VWDE: variants seen among roughly 807,000 people sequenced by gnomAD.
The protein encoded by VWDE is von Willebrand factor D and EGF domain-containing protein.
VWDE carries 207 observed loss-of-function variants against 178.4 expected under a neutral mutation model. That is an observed-to-expected ratio of 1.16 (90% CI 1.04 to 1.30). The LOEUF is 1.30. VWDE is among the 50% of genes most tolerant of loss of function. VWDE has a pLI of 0.00. For missense variants in VWDE, 2,287 were observed against 1,901.3 expected, an observed-to-expected ratio of 1.20 and a Z score of -3.77; for synonymous variants, 738 against 651.4, an observed-to-expected ratio of 1.13 and a Z score of -2.02.
intron 7 of VWDE, among the ~76,000 whole-genome samples, chr7:12,375,910 CA>C (rs2128557122): frequency 6.6e-6 from 1 of 151,996 alleles, no homozygotes; most frequent in Admixed American, 6.6e-5. Flanking sequence ...TATAACTAAA[CA>C]AAAAGAACAG....
chr7:12,355,662 A>G (rs1782201231), intron 18 of VWDE, among the ~76,000 whole-genome samples: 1 of 152,192 alleles, frequency 6.6e-6, no homozygotes, highest in African/African-American at 2.4e-5. Flanking sequence ...GCAATTAATG[A>G]GTTAGTAAAT....
intron 18 of VWDE, 57 bp downstream of exon 18, chr7:12,356,054 A>T (rs1782224721): frequency 2.2e-6 from 3 of 1,357,150 alleles, no homozygotes; most frequent in Admixed American, 2.1e-5. Context: ...AGTAATCTGT[A>T]GATATGTGTT....
chr7:12,379,660 TA>T, intron 5 of VWDE, 94 bp from the exon 6 acceptor site: 1 of 790,590 alleles, frequency 1.3e-6, no homozygotes, highest in Non-Finnish European at 1.9e-6. Context: ...TAATTCTTCA[TA>T]GATAGTATAT....
At position 12,396,534 on chromosome 7, in the gene VWDE, T is replaced by C. The variant is rs544863068; in HGVS notation, c.59-2756A>G. ...AACCACTTTTGATCCCCAAATGTAATGAGAAATAAAAACTAATTTAGTTTC... is the reference window on the plus strand; with the variant it reads ...AACCACTTTTGATCCCCAAATGTAACGAGAAATAAAAACTAATTTAGTTTC... On this transcript the variant is annotated intron_variant, in intron 1 of 28. Coordinates refer to ENST00000275358, the MANE Select transcript of VWDE (RefSeq NM_001135924.3). 9.8e-5 allele frequency among the ~76,000 whole-genome samples: 15 copies of C among 152,310 alleles called. No individual in the cohort carries two copies. In the South Asian group the frequency reaches 3.1e-3, roughly 32 times the overall value.
At chr7:12,395,007 C>G (rs1411838327) in intron 1 of VWDE, among the ~76,000 whole-genome samples, 1 of 151,906 alleles carries the variant, frequency 6.6e-6, no homozygotes, top group Admixed American at 6.6e-5. Context: ...TATATTTCTG[C>G]TTTTTATTTT....
chr7:12,390,931 G>A (rs1316536004), intron 2 of VWDE, among the ~76,000 whole-genome samples: 1 of 152,012 alleles, frequency 6.6e-6, no homozygotes, highest in African/African-American at 2.4e-5. Context: ...ATAATTACAT[G>A]TACATTCGTC....
At chr7:12,347,967 A>G (rs1281500105) in intron 19 of VWDE, among the ~76,000 whole-genome samples, 2 of 152,164 alleles carry the variant, frequency 1.3e-5, no homozygotes, top group Admixed American at 6.5e-5. Context: ...AAAACAAGCA[A>G]TGGGGAAAGG....
rs1781414946 is a variant in VWDE at position 12,343,098 on chromosome 7, G to A, written c.4159C>T (p.Pro1387Ser). The A allele has an allele frequency of 1.3e-6, 2 of 1,548,966 alleles. No individual in the cohort carries two copies. The highest frequency in any genetic ancestry group is 1.7e-6 in the Non-Finnish European group (2 of 1,145,246). Reference sequence around the variant, plus strand: ...CTTTGCTTACTTGTTTCACACCTTGGTCCTACAAAACCATAAGGACAAGTG... The same window carrying A: ...CTTTGCTTACTTGTTTCACACCTTGATCCTACAAAACCATAAGGACAAGTG... ...LCTCPYGFVG[P>S]RCETMVCNRH... is the part of the protein sequence containing the mutation. Residue 1387 changes from proline to serine, a missense_variant, in exon 22 of 29, where the codon CCA becomes TCA. By Grantham distance (74) the Pro-to-Ser change is moderately conservative (BLOSUM62 -1). Transcript: ENST00000275358.
In VWDE at chr7:12,389,235, T is replaced by A; in HGVS notation, c.367A>T (p.Thr123Ser). The A allele has an allele frequency of 1.3e-6, 2 of 1,551,722 alleles. No homozygotes were observed. Among genetic ancestry groups the A allele is most frequent in the African/African-American group, 1.4e-5 (1 of 73,168 alleles). ...CATWQFLFST[T>S]KDCCLFQIPV... ...ATTTGAAAGAGACAGCAGTCTTTTG[T>A]AGTGCTGAACAAAAACTGCCATGTT... The change falls in exon 3 of 29, where the codon ACA becomes TCA. Residue 123 changes from threonine (T) to serine (S), a missense_variant. Coordinates refer to ENST00000275358, the MANE Select transcript of VWDE (RefSeq NM_001135924.3).
At chr7:12,369,346 A>G (rs1355518955) in intron 12 of VWDE, among the ~76,000 whole-genome samples, 199 bp downstream of exon 12, 8 of 152,250 alleles carry the variant, frequency 5.3e-5, no homozygotes, top group Admixed American at 2.0e-4. Flanking sequence ...CTAGGCTGTT[A>G]TAAGTTACTT....
intron 2 of VWDE, among the ~76,000 whole-genome samples, chr7:12,392,602 T>C (rs1282614734): frequency 1.3e-5 from 2 of 152,154 alleles, no homozygotes; most frequent in Admixed American, 1.3e-4. Context: ...GGATAAGTAA[T>C]GCAAGATAGC....
rs946891293 is a variant in VWDE at position 12,351,574 on chromosome 7, G to A, written c.3885C>T (p.Phe1295=). ...ATTTTAACTATGACCATTACTTACT[G>A]AAGGCATTTCCACTTGTTGGCTTAA... ...RHVKPTSGNA[F]TICKYPCGKS... Residue 1295 remains phenylalanine, a splice_region_variant and synonymous_variant, in exon 19 of 29, where the codon TTC becomes TTT. Coordinates refer to ENST00000275358, the MANE Select transcript of VWDE (RefSeq NM_001135924.3). 2 of 1,545,946 alleles carry A rather than the reference G, an allele frequency of 1.3e-6. No homozygotes were observed. Among genetic ancestry groups the A allele is most frequent in the African/African-American group, 1.4e-5 (1 of 72,748 alleles).
At chr7:12,363,307 T>C (rs1782682202) in intron 13 of VWDE, among the ~76,000 whole-genome samples, 2 of 151,810 alleles carry the variant, frequency 1.3e-5, no homozygotes, top group South Asian at 4.1e-4. Flanking sequence ...GGGAATAGTG[T>C]ATGAAAAAGA....
Position 12,382,963 on chromosome 7 carries a change from A to C in VWDE, c.541+573T>G, listed in dbSNP as rs959726413. ...GAGAAAAATTTTAATCACTATCAAC[A>C]TCATTGATGTTTGTCTTTCAAGATT... On this transcript the variant is annotated intron_variant, in intron 4 of 28. Transcript: ENST00000275358. 9.2e-5 allele frequency among the ~76,000 whole-genome samples: 14 copies of C among 151,944 alleles called. 1 individual carries two copies. Among genetic ancestry groups the C allele is most frequent in the Admixed American group, 9.2e-4 (14 of 15,250 alleles).
At chr7:12,383,511 T>TA (rs1249830136) in intron 4 of VWDE, 25 bp downstream of exon 4, 2 of 1,545,126 alleles carry the variant, frequency 1.3e-6, no homozygotes, top group Non-Finnish European at 1.8e-6. Flanking sequence ...AAAACACTAT[T>TA]AAAAAAGCAA....
chr7:12,334,266 T>C (rs570725897), intron 27 of VWDE, among the ~76,000 whole-genome samples: 1 of 152,350 alleles, frequency 6.6e-6, no homozygotes, highest in Admixed American at 6.5e-5. Flanking sequence ...TGGAACTTAA[T>C]ATATTGCTTT....
intron 15 of VWDE, 135 bp downstream of exon 15, chr7:12,361,012 T>C (rs1180034679): frequency 5.5e-6 from 3 of 547,278 alleles, no homozygotes; most frequent in African/African-American, 2.0e-5. Context: ...AGTTAACTTA[T>C]ATAAACTTGA....
intron 12 of VWDE, among the ~76,000 whole-genome samples, chr7:12,368,513 T>C (rs980735082): frequency 1.3e-5 from 2 of 151,902 alleles, no homozygotes; most frequent in Non-Finnish European, 1.5e-5. Flanking sequence ...CCTGGCTCCT[T>C]TGAGGAACAG....
In VWDE at chr7:12,331,053, T is replaced by C. The variant is rs541422574; in HGVS notation, c.*130A>G. On this transcript the variant is annotated 3_prime_UTR_variant, in exon 29 of 29. Coordinates refer to ENST00000275358, the MANE Select transcript of VWDE (RefSeq NM_001135924.3). ...ACAACAGAGATCATTATGTATTTTA[T>C]TAGTTTCTTCAGTCTTTAAGATATT... 1.5e-6 allele frequency: 1 copy of C among 650,816 alleles called. No homozygotes were observed. The highest frequency in any genetic ancestry group is 2.6e-6 in the Non-Finnish European group (1 of 391,648). 40.3% of individuals were successfully genotyped at this position (650,816 alleles called of 1,614,324 possible).
Sources: allele counts gnomAD v4.1 joint callset (sites outside exome capture counted in the v4.1 genomes callset), GRCh38; gene constraint gnomAD v4.1.1; transcripts MANE v1.5; gene names NCBI Gene and HGNC (gene_info 2026-07-23, HGNC 2026-07-21).